Variants in DLGAP1 observed in about 807,000 individuals in gnomAD.
DLGAP1 encodes the protein DLG associated protein 1, also known as disks large-associated protein 1.
Under a neutral mutation model 90.8 loss-of-function variants are expected in DLGAP1, and 11 were observed. The ratio of observed to expected loss-of-function variants is 0.12; its 90% CI spans 0.08 to 0.20. The LOEUF is 0.20. DLGAP1 is among the 10% of genes least tolerant of loss of function. The pLI is 1.00. For synonymous variants in DLGAP1, 558 were observed against 540.7 expected, an observed-to-expected ratio of 1.03 and a Z score of -0.44; for missense variants, 1,050 against 1,333.8, an observed-to-expected ratio of 0.79 and a Z score of 3.31.
intron 1 of DLGAP1, among the ~76,000 whole-genome samples, chr18:4,304,007 T>C (rs2080189878): frequency 6.6e-6 from 1 of 152,250 alleles, no homozygotes; most frequent in Non-Finnish European, 1.5e-5. Context: ...ATATTTTAAC[T>C]ATTTCCCAAT....
intron 1 of DLGAP1, among the ~76,000 whole-genome samples, chr18:4,432,790 G>A (rs975805620): frequency 6.6e-6 from 1 of 151,896 alleles, no homozygotes; most frequent in African/African-American, 2.4e-5. Flanking sequence ...CCCCTCACCA[G>A]CTCTAAGGAA....
intron 6 of DLGAP1, among the ~76,000 whole-genome samples, chr18:3,730,666 C>G (rs1598490053): frequency 6.6e-6 from 1 of 151,940 alleles, no homozygotes; most frequent in East Asian, 1.9e-4. Context: ...TTGGCTGTCT[C>G]CTCATTTTGT....
chr18:4,003,396 C>A (rs552528977), intron 3 of DLGAP1, among the ~76,000 whole-genome samples: 1 of 135,138 alleles, frequency 7.4e-6, no homozygotes, highest in East Asian at 2.3e-4. Context: ...GATGTAATTT[C>A]TTTTTGGACC....
At chr18:4,451,640 T>A (rs543130729) in intron 1 of DLGAP1, among the ~76,000 whole-genome samples, 1 of 152,152 alleles carries the variant, frequency 6.6e-6, no homozygotes, top group Non-Finnish European at 1.5e-5. Flanking sequence ...CAAATTCTCA[T>A]GCTTCGGAAA....
intron 1 of DLGAP1, among the ~76,000 whole-genome samples, chr18:4,407,855 A>C (rs1453138377): frequency 7.1e-6 from 1 of 140,710 alleles, no homozygotes; most frequent in South Asian, 2.4e-4. Context: ...AGTGAGACTC[A>C]GTCTCTAAAT....
intron 1 of DLGAP1, among the ~76,000 whole-genome samples, chr18:4,403,199 T>C (rs1374156966): frequency 6.6e-6 from 1 of 152,182 alleles, no homozygotes; most frequent in African/African-American, 2.4e-5. Context: ...AATGTGTGAG[T>C]GGTTGCTCAT....
intron 9 of DLGAP1, among the ~76,000 whole-genome samples, chr18:3,563,766 G>C (rs1489737743): frequency 1.3e-5 from 2 of 152,220 alleles, no homozygotes; most frequent in Non-Finnish European, 2.9e-5. Flanking sequence ...ACCGTGCCCA[G>C]CTGATCTGGC....
intron 1 of DLGAP1, among the ~76,000 whole-genome samples, chr18:4,339,640 C>A (rs1310182666): frequency 6.6e-6 from 1 of 151,966 alleles, no homozygotes; most frequent in Non-Finnish European, 1.5e-5. Context: ...TCATCAGAAC[C>A]CCTAAAATTA....
At chr18:4,436,972 A>C (rs1230801337) in intron 1 of DLGAP1, among the ~76,000 whole-genome samples, 1 of 152,220 alleles carries the variant, frequency 6.6e-6, no homozygotes, top group African/African-American at 2.4e-5. Flanking sequence ...ATTTACCTTG[A>C]AGAAACAAAG....
intron 3 of DLGAP1, among the ~76,000 whole-genome samples, chr18:3,962,614 A>G (rs1421486028): frequency 1.3e-5 from 2 of 152,030 alleles, no homozygotes; most frequent in Non-Finnish European, 2.9e-5. Flanking sequence ...TATTTGATAG[A>G]CGTTTGAGGT....
At chr18:4,040,300 G>A (rs955623153) in intron 2 of DLGAP1, among the ~76,000 whole-genome samples, 3 of 152,154 alleles carry the variant, frequency 2.0e-5, no homozygotes, top group African/African-American at 4.8e-5. Context: ...AACAGCTTAC[G>A]CTAGTATACC....
chr18:3,512,853 T>TC (rs2050622646), intron 10 of DLGAP1, among the ~76,000 whole-genome samples: 1 of 152,222 alleles, frequency 6.6e-6, no homozygotes, highest in Admixed American at 6.5e-5. Flanking sequence ...GTGATTTCCT[T>TC]CTTTTTTTTC....
chr18:3,768,273 A>T (rs1284412108), intron 5 of DLGAP1, among the ~76,000 whole-genome samples: 1 of 152,186 alleles, frequency 6.6e-6, no homozygotes, highest in African/African-American at 2.4e-5. Context: ...GCTGAAAAGT[A>T]CATGGCACTG....
At chr18:3,753,402 C>T (rs182897563) in intron 5 of DLGAP1, among the ~76,000 whole-genome samples, 13 of 152,260 alleles carry the variant, frequency 8.5e-5, no homozygotes, top group Admixed American at 3.3e-4. Flanking sequence ...CATCTCCCCT[C>T]GAAAGCCTGG....
chr18:3,641,576 CATAT>C (rs796432634), intron 7 of DLGAP1, among the ~76,000 whole-genome samples: 1 of 130,282 alleles, frequency 7.7e-6, no homozygotes, highest in African/African-American at 3.2e-5. Flanking sequence ...ACAATGTACA[CATAT>C]ATATATACAC....
chr18:4,285,906 C>T (rs1211066733), intron 1 of DLGAP1, among the ~76,000 whole-genome samples: 1 of 152,194 alleles, frequency 6.6e-6, no homozygotes, highest in African/African-American at 2.4e-5. Flanking sequence ...TATAGAAGTA[C>T]AGAGTTTTTC....
At chr18:4,371,596 A>G (rs1303395475) in intron 1 of DLGAP1, among the ~76,000 whole-genome samples, 1 of 152,186 alleles carries the variant, frequency 6.6e-6, no homozygotes, top group African/African-American at 2.4e-5. Context: ...TTCTGTTTTT[A>G]ATTATTGAGT....
chr18:3,701,899 T>G (rs376750496), intron 7 of DLGAP1, among the ~76,000 whole-genome samples: 1 of 152,160 alleles, frequency 6.6e-6, no homozygotes, highest in Non-Finnish European at 1.5e-5. Flanking sequence ...TCTGTGTGTG[T>G]GAGAGACGGA....
chr18:3,941,817 G>T (rs1376678590), intron 3 of DLGAP1, among the ~76,000 whole-genome samples: 1 of 152,090 alleles, frequency 6.6e-6, no homozygotes, highest in Non-Finnish European at 1.5e-5. Flanking sequence ...GGCGCATGTG[G>T]TCCTCCCAAC....
Sources: allele counts gnomAD v4.1 joint callset (sites outside exome capture counted in the v4.1 genomes callset), GRCh38; gene constraint gnomAD v4.1.1; transcripts MANE v1.5; gene names NCBI Gene and HGNC (gene_info 2026-07-23, HGNC 2026-07-21).